Variants in AKAP8L observed in about 807,000 individuals in gnomAD.
AKAP8L encodes A-kinase anchor protein 8-like.
Under a neutral mutation model 77.5 loss-of-function variants are expected in AKAP8L, and 34 were observed. The observed-to-expected ratio is 0.44, with a 90% CI of 0.33 to 0.58. The LOEUF (loss-of-function observed/expected upper bound fraction) is 0.58, where lower values mean the gene tolerates loss of function less well. AKAP8L is among the 20% of genes least tolerant of loss of function. The pLI is 0.02. For missense variants in AKAP8L, 806 were observed against 887.6 expected (o/e 0.91, Z 1.17); for synonymous variants, 342 against 340.7 (o/e 1.00, Z -0.04).
intron 1 of AKAP8L, among the ~76,000 whole-genome samples, chr19:15,412,233 T>C (rs1968118719): frequency 6.6e-6 from 1 of 151,602 alleles, no homozygotes; most frequent in Admixed American, 6.6e-5. Flanking sequence ...AACCCCAAAA[T>C]TAGCTGGGTG....
rs1967792445 is a variant in AKAP8L, at chr19:15,397,138, G to C, written c.1536+12C>G. 6.2e-7 allele frequency: 1 copy of C among 1,613,288 alleles called. No homozygotes were observed. Among genetic ancestry groups the C allele is most frequent in the African/African-American group, 1.3e-5 (1 of 74,902 alleles). ...ACCCACAGGACAGAGGGAGAGCACT[G>C]TGGCCACTCACCCTGCGGTTCCGGT... On this transcript the variant is annotated intron_variant, in intron 12 of 13. Coordinates refer to ENST00000397410, the MANE Select transcript of AKAP8L (RefSeq NM_014371.4). This position sits in a 1 kb window ranked among gnomAD's most constrained non-coding sequence, Gnocchi z 4.7.
intron 1 of AKAP8L, among the ~76,000 whole-genome samples, chr19:15,416,577 A>G (rs1055657736): frequency 6.6e-5 from 10 of 152,312 alleles, no homozygotes; most frequent in African/African-American, 2.4e-4. Context: ...CCACATAGAG[A>G]TCCTAAATGT....
rs1449389406 is a variant in AKAP8L, at chr19:15,380,137, G to A, written c.1926C>T (p.Gly642=). ...GLDVEDDEEG[G]GGAP ...CGAGCTCGGGTCACGGGGCGCCCCC[G>A]CCGCCCTCCTCGTCGTCCTCCACGT... The change falls in exon 14 of 14, where the codon GGC becomes GGT. Residue 642 remains glycine (G), a synonymous_variant. Coordinates refer to ENST00000397410, the MANE Select transcript of AKAP8L (RefSeq NM_014371.4). 6.7e-7 allele frequency: 1 copy of A among 1,497,100 alleles called. No individual in the cohort carries two copies. 92.7% of individuals were successfully genotyped at this position (1,497,100 alleles called of 1,614,324 possible).
intron 12 of AKAP8L, among the ~76,000 whole-genome samples, chr19:15,384,853 A>G (rs1204718869): frequency 6.6e-6 from 1 of 152,124 alleles, no homozygotes; most frequent in Non-Finnish European, 1.5e-5. Context: ...TTTGCATTAT[A>G]CCAATAATAT....
At chr19:15,407,536 C>G (rs1968024640) in intron 2 of AKAP8L, among the ~76,000 whole-genome samples, 1 of 152,186 alleles carries the variant, frequency 6.6e-6, no homozygotes, top group Non-Finnish European at 1.5e-5. Context: ...AGGTTTATTA[C>G]AAGGTCAATC....
intron 12 of AKAP8L, among the ~76,000 whole-genome samples, chr19:15,395,604 C>T (rs1162511976): frequency 1.3e-5 from 2 of 151,860 alleles, no homozygotes; most frequent in South Asian, 2.1e-4. Context: ...TGAGCCACCA[C>T]GCCCAGCCAG....
At chr19:15,407,318 A>T (rs1009418987) in intron 2 of AKAP8L, among the ~76,000 whole-genome samples, 2 of 152,216 alleles carry the variant, frequency 1.3e-5, no homozygotes, top group Admixed American at 6.5e-5. Flanking sequence ...TTATTAAACT[A>T]CACAAAATCA....
intron 12 of AKAP8L, among the ~76,000 whole-genome samples, chr19:15,387,165 G>A (rs1046638827): frequency 1.3e-5 from 2 of 152,206 alleles, no homozygotes; most frequent in Admixed American, 6.5e-5. Flanking sequence ...TGCCAGGAAA[G>A]GCAAACCAAG....
At chr19:15,405,321 G>A (rs966601235) in intron 2 of AKAP8L, among the ~76,000 whole-genome samples, 1 of 152,184 alleles carries the variant, frequency 6.6e-6, no homozygotes, top group Non-Finnish European at 1.5e-5. Context: ...ATCACCTGAG[G>A]TCAGGAGTTT....
At chr19:15,381,462 G>GT (rs1967415590) in intron 12 of AKAP8L, among the ~76,000 whole-genome samples, 1 of 152,056 alleles carries the variant, frequency 6.6e-6, no homozygotes, top group South Asian at 2.1e-4. Context: ...CCATCTCATG[G>GT]TGGGAGTACA....
At chr19:15,406,219 T>C (rs1279412120) in intron 2 of AKAP8L, among the ~76,000 whole-genome samples, 2 of 152,016 alleles carry the variant, frequency 1.3e-5, no homozygotes, top group Non-Finnish European at 2.9e-5. Context: ...TTGATGGACA[T>C]CCCAGCTGGG....
chr19:15,398,612 C>G lies in AKAP8L; in HGVS notation c.1157+690G>C, dbSNP rs1357988604. 2 of 986,862 alleles carry G rather than the reference C, an allele frequency of 2.0e-6. No individual in the cohort carries two copies. The highest frequency in any genetic ancestry group is 4.7e-5 in the South Asian group (1 of 21,324). 61.1% of individuals were successfully genotyped at this position (986,862 alleles called of 1,614,324 possible). Reference sequence around the variant, plus strand: ...GGAGGAGGCCAGCCGCCACCGAGACCTCGGGGCGGGTCCCTACCTCTGCCG... The same window carrying G: ...GGAGGAGGCCAGCCGCCACCGAGACGTCGGGGCGGGTCCCTACCTCTGCCG... On this transcript the variant is annotated intron_variant, in intron 9 of 13. Transcript: ENST00000397410. This position sits in a 1 kb window ranked among gnomAD's most constrained non-coding sequence, Gnocchi z 9.2.
intron 1 of AKAP8L, 119 bp downstream of exon 1, chr19:15,418,792 G>A (rs1968268705): frequency 1.4e-5 from 14 of 1,002,722 alleles, no homozygotes; most frequent in Middle Eastern, 3.2e-4. Context: ...GCGCCATTTT[G>A]TGACCGCAGG....
Position 15,397,541 on chromosome 19 carries a change from T to G in AKAP8L, c.1384A>C (p.Arg462=). ...DLDGLIQQIY[R]DQDLTQEIAM... is the part of the protein sequence containing the mutation. ...TCACCCTGGGTCAGATCCTGGTCTC[T>G]GTAGATTTGCTGGATGAGGCCATCA... The change falls in exon 11 of 14, where the codon AGA becomes CGA. Residue 462 remains arginine (R), a synonymous_variant. Transcript: ENST00000397410. This position sits in a 1 kb window ranked among gnomAD's most constrained non-coding sequence, Gnocchi z 4.7. The G allele has an allele frequency of 6.2e-7, 1 of 1,613,564 alleles. No homozygotes were observed.
At chr19:15,412,118 G>C (rs1968116401) in intron 1 of AKAP8L, among the ~76,000 whole-genome samples, 1 of 152,208 alleles carries the variant, frequency 6.6e-6, no homozygotes, top group African/African-American at 2.4e-5. Context: ...TGAGGCAGGA[G>C]AATCGCTTGA....
intron 12 of AKAP8L, among the ~76,000 whole-genome samples, chr19:15,392,035 T>C (rs1217265762): frequency 6.6e-6 from 1 of 152,232 alleles, no homozygotes; most frequent in African/African-American, 2.4e-5. Context: ...GGTCTCACTA[T>C]GTTGCCCATG....
rs1263914835 is a variant in AKAP8L, at chr19:15,399,649, GCT to G, written c.1049-241_1049-240del. 2.7e-5 allele frequency: 15 copies of G among 550,354 alleles called. No homozygotes were observed. The highest frequency in any genetic ancestry group is 4.6e-5 in the Non-Finnish European group (14 of 305,690). The allele number at this position is 550,354 out of a possible 1,614,324, so 34.1% of individuals were successfully genotyped here. ...CCCCTCCACTCTCCAGGACACCCAT[GCT>G]CTCTGTGCAGTGGGCCAGGAGGAGG... On this transcript the variant is annotated intron_variant, in intron 8 of 13. Coordinates refer to ENST00000397410, the MANE Select transcript of AKAP8L (RefSeq NM_014371.4). This position sits in a 1 kb window ranked among gnomAD's most constrained non-coding sequence, Gnocchi z 6.1.
chr19:15,386,960 G>C (rs982157024), intron 12 of AKAP8L, among the ~76,000 whole-genome samples: 1 of 152,066 alleles, frequency 6.6e-6, no homozygotes, highest in African/African-American at 2.4e-5. Flanking sequence ...TACCCAGCCG[G>C]ATGTCAGTAT....
intron 7 of AKAP8L, 183 bp from the exon 8 acceptor site, chr19:15,400,541 G>A (rs140654181): frequency 1.4e-3 from 987 of 728,386 alleles, no homozygotes; most frequent in Admixed American, 2.1e-3. Flanking sequence ...TAAATGACAA[G>A]GCCCGGCTAT....
Sources: gnomAD v4.1 joint callset for allele counts (sites outside exome capture counted in the v4.1 genomes callset) on GRCh38, gnomAD v4.1.1 for gene constraint, Gnocchi (gnomAD v3.1) non-coding constraint, MANE v1.5 for transcripts, NCBI Gene and HGNC (gene_info 2026-07-23, HGNC 2026-07-21) for gene names.